The following LRRC7 variants were observed in gnomAD, a reference collection of about 807,000 sequenced individuals.
LRRC7 encodes leucine rich repeat containing 7.
In LRRC7, 23 loss-of-function variants were observed where a neutral mutation model predicts 175.7. That is an observed-to-expected ratio of 0.13 (90% CI 0.09 to 0.19). LRRC7 has a LOEUF of 0.19. Ranked by LOEUF, LRRC7 falls within the 10% of genes least tolerant of loss-of-function variation. LRRC7 has a pLI of 1.00. For missense variants in LRRC7, 1,354 were observed against 1,904.7 expected (o/e 0.71, Z 5.38); for synonymous variants, 685 against 680.9 (o/e 1.01, Z -0.09).
At chr1:69,947,829 A>G (rs1344028867) in intron 8 of LRRC7, among the ~76,000 whole-genome samples, 2 of 152,120 alleles carry the variant, frequency 1.3e-5, no homozygotes, top group African/African-American at 4.8e-5. Flanking sequence ...TAAATTAGGC[A>G]CAATAAAAGA....
At chr1:69,658,372 C>T (rs1173884283) in intron 1 of LRRC7, among the ~76,000 whole-genome samples, 1 of 151,930 alleles carries the variant, frequency 6.6e-6, no homozygotes, top group African/African-American at 2.4e-5. Flanking sequence ...CCTGAAAGTA[C>T]CTTTCCATAA....
At position 69,954,661 on chromosome 1, in the gene LRRC7, T is replaced by A. The variant is rs147759419; in HGVS notation, c.711+23091T>A. Among the ~76,000 whole-genome samples, 797 of 152,208 alleles carry A rather than the reference T, an allele frequency of 5.2e-3. 7 individuals are homozygous for A. The highest frequency in any genetic ancestry group is 0.017 in the African/African-American group (727 of 41,560). On this transcript the variant is annotated intron_variant, in intron 8 of 26. Transcript: ENST00000651989. ...AAAATCTCTTACTGACTGGGTAATG[T>A]GAATTCAAATATAAGATAACCACAA...
At chr1:69,661,304 G>A (rs1657441461) in intron 1 of LRRC7, among the ~76,000 whole-genome samples, 1 of 152,036 alleles carries the variant, frequency 6.6e-6, no homozygotes, top group African/African-American at 2.4e-5. Flanking sequence ...CTAAATAAAT[G>A]AGTCATCTTG....
intron 2 of LRRC7, among the ~76,000 whole-genome samples, chr1:69,704,520 T>A (rs544842953): frequency 1.3e-5 from 2 of 152,154 alleles, no homozygotes; most frequent in East Asian, 3.9e-4. Flanking sequence ...ATATAGACTA[T>A]TTATGGCTAT....
intron 1 of LRRC7, among the ~76,000 whole-genome samples, chr1:69,610,445 C>G (rs112777156): frequency 2.9e-4 from 44 of 152,026 alleles, no homozygotes; most frequent in Middle Eastern, 3.4e-3. Flanking sequence ...TAGTCTGTGT[C>G]TCCCACTTCC....
At chr1:69,623,315 C>T (rs956396102) in intron 1 of LRRC7, among the ~76,000 whole-genome samples, 6 of 152,024 alleles carry the variant, frequency 3.9e-5, no homozygotes, top group Non-Finnish European at 8.8e-5. Context: ...GATAACTTTT[C>T]TGTAGTCCTC....
At chr1:70,017,637 T>C (rs575905821) in intron 14 of LRRC7, among the ~76,000 whole-genome samples, 2 of 152,304 alleles carry the variant, frequency 1.3e-5, no homozygotes, top group African/African-American at 4.8e-5. Context: ...ATTGTTCATA[T>C]TTACAGTCAT....
rs150190904 is a variant in LRRC7, at chr1:70,008,670, C to A, written c.1005-3127C>A. Among the ~76,000 whole-genome samples, 797 of 152,288 alleles carry A rather than the reference C, an allele frequency of 5.2e-3. 6 individuals carry two copies. Among genetic ancestry groups the A allele is most frequent in the African/African-American group, 0.018 (728 of 41,574 alleles). On this transcript the variant is annotated intron_variant, in intron 11 of 26. Coordinates refer to ENST00000651989, the MANE Select transcript of LRRC7 (RefSeq NM_001370785.2). ...CTTGGTGGTATAAAGCAAATTTTCA[C>A]ATTTTAATTTCAATCTCCAAGAGAA...
intron 23 of LRRC7, among the ~76,000 whole-genome samples, chr1:70,070,824 C>T (rs1041113967): frequency 2.6e-5 from 4 of 152,164 alleles, no homozygotes; most frequent in African/African-American, 9.7e-5. Flanking sequence ...TCTGACACCA[C>T]CTCGTTAGTA....
At chr1:69,918,668 A>T (rs1376964460) in intron 7 of LRRC7, among the ~76,000 whole-genome samples, 4 of 152,328 alleles carry the variant, frequency 2.6e-5, no homozygotes. Context: ...AGAATGTAAT[A>T]TTTTAAAGGT....
intron 11 of LRRC7, among the ~76,000 whole-genome samples, chr1:70,008,016 C>CAG (rs1161419468): frequency 6.6e-6 from 1 of 151,806 alleles, no homozygotes; most frequent in East Asian, 2.0e-4. Flanking sequence ...TAGAACTAAT[C>CAG]AGAGATATAT....
chr1:69,938,995 TTATATA>T (rs71583104), intron 8 of LRRC7, among the ~76,000 whole-genome samples: 1 of 97,606 alleles, frequency 1.0e-5, no homozygotes, highest in African/African-American at 4.0e-5. Context: ...AGGCTGTAGA[TTATATA>T]TATATATATA....
intron 23 of LRRC7, among the ~76,000 whole-genome samples, chr1:70,074,250 A>G (rs1036183425): frequency 6.6e-6 from 1 of 152,048 alleles, no homozygotes; most frequent in Non-Finnish European, 1.5e-5. Context: ...TACTGAGCTT[A>G]TCATGGATGC....
chr1:69,683,761 AAG>A (rs1322270403), intron 2 of LRRC7, among the ~76,000 whole-genome samples: 1 of 152,110 alleles, frequency 6.6e-6, no homozygotes, highest in Non-Finnish European at 1.5e-5. Flanking sequence ...AGAAAAGAAA[AAG>A]AAAAATGAAC....
intron 2 of LRRC7, among the ~76,000 whole-genome samples, chr1:69,701,928 T>C (rs942194988): frequency 2.0e-5 from 3 of 152,216 alleles, no homozygotes; most frequent in Non-Finnish European, 4.4e-5. Context: ...GTATTTAAAA[T>C]GCTTGAGCTG....
At chr1:69,901,495 A>G (rs1203578288) in intron 7 of LRRC7, among the ~76,000 whole-genome samples, 1 of 152,116 alleles carries the variant, frequency 6.6e-6, no homozygotes, top group Admixed American at 6.5e-5. Flanking sequence ...TTTGGTGCTA[A>G]CAGTTGTTCT....
intron 1 of LRRC7, among the ~76,000 whole-genome samples, chr1:69,677,529 C>A (rs1187415645): frequency 1.3e-5 from 2 of 151,834 alleles, no homozygotes; most frequent in Non-Finnish European, 2.9e-5. Context: ...TTTACATTCC[C>A]AACAGCAGTG....
At chr1:69,604,955 G>A (rs1343603497) in intron 1 of LRRC7, among the ~76,000 whole-genome samples, 1 of 152,168 alleles carries the variant, frequency 6.6e-6, no homozygotes, top group Admixed American at 6.5e-5. Context: ...GAACAATCTA[G>A]TTTTAACATG....
intron 1 of LRRC7, among the ~76,000 whole-genome samples, chr1:69,593,645 A>G (rs1303902488): frequency 6.6e-6 from 1 of 152,206 alleles, no homozygotes; most frequent in Non-Finnish European, 1.5e-5. Context: ...TAAAACTTAC[A>G]AAACACAGCA....
Sources: gnomAD v4.1 joint callset for allele counts (sites outside exome capture counted in the v4.1 genomes callset) on GRCh38, gnomAD v4.1.1 for gene constraint, MANE v1.5 for transcripts, NCBI Gene and HGNC (gene_info 2026-07-23, HGNC 2026-07-21) for gene names.